KLHL29: variants seen among roughly 807,000 people sequenced by gnomAD.
KLHL29 encodes kelch like family member 29, also known as kelch-like protein 29.
A neutral mutation model predicts 80.4 loss-of-function variants in KLHL29; 21 were observed. The ratio of observed to expected loss-of-function variants is 0.26; its 90% confidence interval spans 0.19 to 0.38. The LOEUF is 0.38. Ranked by LOEUF, KLHL29 falls within the 10% of genes least tolerant of loss-of-function variation. The pLI, the probability that KLHL29 is intolerant of heterozygous loss-of-function variation, is 1.00. For synonymous variants in KLHL29, 511 were observed against 526.8 expected (o/e 0.97, Z 0.41); for missense variants, 867 against 1,223.9 (o/e 0.71, Z 4.35).
Position 23,387,211 on chromosome 2 carries a change from C to A in KLHL29, c.-154+1431C>A, listed in dbSNP as rs116720631. Among the ~76,000 whole-genome samples the A allele has an allele frequency of 5.9e-3, 899 of 152,346 alleles. 7 individuals are homozygous for A. Among genetic ancestry groups the A allele is most frequent in the Non-Finnish European group, 8.3e-3 (565 of 68,032 alleles). Reference sequence around the variant, plus strand: ...GTGGAGGACGCCGAGCTGCTGCTGCCTGCGAAACTTCCACTTCGGCAGCTC... The same window carrying A: ...GTGGAGGACGCCGAGCTGCTGCTGCATGCGAAACTTCCACTTCGGCAGCTC... On this transcript the variant is annotated intron_variant, in intron 1 of 13. Coordinates refer to ENST00000486442, the MANE Select transcript of KLHL29 (RefSeq NM_052920.2).
intron 3 of KLHL29, among the ~76,000 whole-genome samples, chr2:23,591,480 T>G (rs1668259175): frequency 2.8e-5 from 4 of 141,418 alleles, no homozygotes; most frequent in Admixed American, 2.1e-4. Flanking sequence ...CCCCCTGGGT[T>G]TCCTGATGTG....
At chr2:23,512,265 G>A (rs1392433080) in intron 2 of KLHL29, among the ~76,000 whole-genome samples, 1 of 152,134 alleles carries the variant, frequency 6.6e-6, no homozygotes, top group Non-Finnish European at 1.5e-5. Flanking sequence ...GACGCACATG[G>A]AGAAACTCTG....
intron 5 of KLHL29, among the ~76,000 whole-genome samples, chr2:23,662,556 C>G (rs1180890742): frequency 1.3e-5 from 2 of 152,124 alleles, no homozygotes; most frequent in Non-Finnish European, 2.9e-5. Context: ...TCCAGCCCCT[C>G]CTGGTGGGCG....
chr2:23,672,241 G>C (rs1670785878), intron 5 of KLHL29: 1 of 152,376 alleles, frequency 6.6e-6, no homozygotes, highest in Admixed American at 6.5e-5. Context: ...CCCCCACAGT[G>C]ACATGGCCCA....
intron 3 of KLHL29, among the ~76,000 whole-genome samples, chr2:23,608,202 C>G (rs912093485): frequency 1.3e-5 from 2 of 152,184 alleles, no homozygotes; most frequent in African/African-American, 4.8e-5. Flanking sequence ...GAGGAAGTTC[C>G]CACATACAGA....
intron 2 of KLHL29, among the ~76,000 whole-genome samples, chr2:23,545,519 C>T (rs1297894715): frequency 6.6e-6 from 1 of 152,224 alleles, no homozygotes; most frequent in East Asian, 1.9e-4. Flanking sequence ...TGTCCCCAGG[C>T]CAGGAGGCTG....
intron 2 of KLHL29, among the ~76,000 whole-genome samples, chr2:23,508,427 A>G (rs920499011): frequency 3.3e-5 from 5 of 152,206 alleles, no homozygotes; most frequent in Admixed American, 2.0e-4. Context: ...CTGCTCATAC[A>G]GAAGCTCAGG....
In KLHL29 at chr2:23,590,080, A is replaced by G. The variant is rs78215308; in HGVS notation, c.285+27599A>G. Among the ~76,000 whole-genome samples the G allele has an allele frequency of 2.2e-3, 339 of 152,348 alleles. 1 individual carries two copies. The highest frequency in any genetic ancestry group is 3.3e-3 in the Non-Finnish European group (224 of 68,024). On this transcript the variant is annotated intron_variant, in intron 3 of 13. Coordinates refer to ENST00000486442, the MANE Select transcript of KLHL29 (RefSeq NM_052920.2). ...CCAGTGTTCAGACACCTCACTTTACAGACAAAAGCAGAGGCCTAGAGAGGG... is the reference window on the plus strand; with the variant it reads ...CCAGTGTTCAGACACCTCACTTTACGGACAAAAGCAGAGGCCTAGAGAGGG...
chr2:23,602,613 ATTTTTTTT>A (rs3028904), intron 3 of KLHL29, among the ~76,000 whole-genome samples: 1 of 140,318 alleles, frequency 7.1e-6, no homozygotes, highest in Non-Finnish European at 1.5e-5. Flanking sequence ...CTCTACGTGA[ATTTTTTTT>A]TTTTTTTTTT....
At chr2:23,640,787 C>G (rs566673658) in intron 4 of KLHL29, among the ~76,000 whole-genome samples, 55 of 152,354 alleles carry the variant, frequency 3.6e-4, no homozygotes, top group African/African-American at 1.3e-3. Context: ...AGGCTTGGGC[C>G]TACGGTCCCT....
At chr2:23,419,458 G>A (rs906823640) in intron 1 of KLHL29, among the ~76,000 whole-genome samples, 16 of 151,426 alleles carry the variant, frequency 1.1e-4, no homozygotes, top group East Asian at 2.0e-4. Flanking sequence ...GCCCACAGCC[G>A]GGGTGACTGC....
chr2:23,464,414 G>A (rs1009029728), intron 1 of KLHL29, among the ~76,000 whole-genome samples: 4 of 152,024 alleles, frequency 2.6e-5, no homozygotes, highest in African/African-American at 4.8e-5. Flanking sequence ...AGCTGCCTTC[G>A]GGGGGGATAA....
chr2:23,612,318 A>G (rs915945360), intron 3 of KLHL29, among the ~76,000 whole-genome samples: 1 of 152,232 alleles, frequency 6.6e-6, no homozygotes, highest in African/African-American at 2.4e-5. Context: ...TCAGAAGTCA[A>G]TGGTGTGATA....
chr2:23,668,563 G>A (rs737665), intron 5 of KLHL29: 107,879 of 152,316 alleles, frequency 0.71, 40,820 homozygotes, highest in East Asian at 0.99. Context: ...GGAGGGAAGT[G>A]GTTTCAGAAG....
Position 23,562,057 on chromosome 2 carries a change from G to C in KLHL29, c.-45-95G>C, listed in dbSNP as rs1667459433. On this transcript the variant is annotated intron_variant, in intron 2 of 13. Transcript: ENST00000486442. The surrounding 1 kb of genome is among the most constrained non-coding windows in gnomAD (Gnocchi z 4.5). The stretch of plus-strand genomic sequence containing the variant: ...GAAATGAGCTAATGTTTGAAGGCCT[G>C]TTATTGAACCCAGAGAAGGGGCTTC... 1 of 904,012 alleles carries C rather than the reference G, an allele frequency of 1.1e-6. No homozygotes were observed. Among genetic ancestry groups the C allele is most frequent in the Non-Finnish European group, 1.7e-6 (1 of 597,202 alleles). 56.0% of individuals were successfully genotyped at this position (904,012 alleles called of 1,614,324 possible). A position where few individuals can be genotyped will look rare whatever the true frequency, so the allele number is the denominator to read the frequency against.
chr2:23,399,956 C>T (rs747998713), intron 1 of KLHL29, among the ~76,000 whole-genome samples: 3 of 152,220 alleles, frequency 2.0e-5, no homozygotes, highest in Non-Finnish European at 4.4e-5. Context: ...ATCCATTCTC[C>T]TGTGGGTGGA....
At chr2:23,704,106 C>T (rs1173768471) in intron 13 of KLHL29, among the ~76,000 whole-genome samples, 1 of 152,220 alleles carries the variant, frequency 6.6e-6, no homozygotes, top group Admixed American at 6.5e-5. Flanking sequence ...AGAAATGAAC[C>T]ATTTCCTGAA....
intron 4 of KLHL29, 107 bp downstream of exon 4, chr2:23,639,387 C>T (rs1669705463): frequency 9.3e-7 from 1 of 1,077,740 alleles, no homozygotes; most frequent in Non-Finnish European, 1.3e-6. Flanking sequence ...GAACCCAGGG[C>T]CTGCAGAAGC....
intron 2 of KLHL29, among the ~76,000 whole-genome samples, chr2:23,528,961 C>T (rs1458639071): frequency 6.6e-6 from 1 of 152,212 alleles, no homozygotes; most frequent in Admixed American, 6.5e-5. Context: ...GAGTGGGACT[C>T]AGAACTTCTG....
Sources: allele counts gnomAD v4.1 joint callset (sites outside exome capture counted in the v4.1 genomes callset), GRCh38; gene constraint gnomAD v4.1.1; non-coding constraint Gnocchi (gnomAD v3.1); transcripts MANE v1.5; gene names NCBI Gene and HGNC (gene_info 2026-07-23, HGNC 2026-07-21).